The following SLC25A16 variants were observed in gnomAD, a reference collection of about 807,000 sequenced individuals.
SLC25A16 encodes mitochondrial coenzyme A transporter SLC25A16.
SLC25A16 carries 39 observed loss-of-function variants against 41.5 expected under a neutral mutation model. The observed-to-expected ratio is 0.94, with a 90% CI of 0.73 to 1.23. The LOEUF (loss-of-function observed/expected upper bound fraction) is 1.23, where lower values mean the gene tolerates loss of function less well. Among genes scored for constraint, SLC25A16 ranks in the 50% most tolerant of loss-of-function variants. The pLI, the probability that SLC25A16 is intolerant of heterozygous loss-of-function variation, is 0.00. For missense variants in SLC25A16, 421 were observed against 426.9 expected, an observed-to-expected ratio of 0.99 and a Z score of 0.12; for synonymous variants, 146 against 147.8, an observed-to-expected ratio of 0.99 and a Z score of 0.09.
intron 4 of SLC25A16, among the ~76,000 whole-genome samples, chr10:68,496,151 A>T (rs1049151904): frequency 2.6e-5 from 4 of 152,134 alleles, no homozygotes; most frequent in African/African-American, 9.7e-5. Flanking sequence ...TCTCCTGCAC[A>T]TCAAAGCTCA....
chr10:68,482,386 A>T lies in SLC25A16; in HGVS notation c.*1046T>A. On this transcript the variant is annotated 3_prime_UTR_variant, in exon 9 of 9. Transcript: ENST00000609923. Reference sequence around the variant, plus strand: ...AAAACATTTTCTTAATATAAAGGATAACAATTCAAATCATATTTTACATTT... The same window carrying T: ...AAAACATTTTCTTAATATAAAGGATTACAATTCAAATCATATTTTACATTT... 6.6e-6 allele frequency: 1 copy of T among 152,628 alleles called. No homozygotes were observed. Among genetic ancestry groups the T allele is most frequent in the East Asian group, 1.9e-4 (1 of 5,204 alleles). 9.5% of individuals were successfully genotyped at this position (152,628 alleles called of 1,614,324 possible). A position where few individuals can be genotyped will look rare whatever the true frequency, so the allele number is the denominator to read the frequency against.
chr10:68,505,244 G>A (rs917371144), intron 3 of SLC25A16, among the ~76,000 whole-genome samples: 7 of 152,116 alleles, frequency 4.6e-5, no homozygotes, highest in African/African-American at 1.4e-4. Context: ...AGTTACTCAG[G>A]AGGCTGAAGT....
At chr10:68,525,137 GTTTTA>G (rs763277057) in intron 1 of SLC25A16, among the ~76,000 whole-genome samples, 50 of 151,566 alleles carry the variant, frequency 3.3e-4, no homozygotes, top group African/African-American at 9.7e-4. Flanking sequence ...GGTTTTTTTT[GTTTTA>G]TTTTATTTTG....
rs1460084800 is a variant in SLC25A16, at chr10:68,527,247, T to C, written c.129A>G (p.Gly43=). The change falls in exon 1 of 9, where the codon GGA becomes GGG. Residue 43 remains glycine (G), a splice_region_variant and synonymous_variant. Transcript: ENST00000609923. The part of the protein sequence containing the change: ...DFYWLRSFLA[G]GIAGCCAKTT... ...TGGCTCTTCGTGGCATGGACCCACC[T>C]CCGGCCAGAAAGGAGCGCAGCCAGT... 1.3e-6 allele frequency: 2 copies of C among 1,547,626 alleles called. No individual in the cohort carries two copies. The highest frequency in any genetic ancestry group is 1.7e-6 in the Non-Finnish European group (2 of 1,145,596).
intron 3 of SLC25A16, 73 bp from the exon 4 acceptor site, chr10:68,503,768 AT>A: frequency 1.1e-6 from 1 of 924,150 alleles, no homozygotes; most frequent in Non-Finnish European, 1.7e-6. Context: ...AATAATGAAG[AT>A]TTATTTCAAG....
At chr10:68,499,489 T>C in intron 4 of SLC25A16, 1 of 166,558 alleles carries the variant, frequency 6.0e-6, no homozygotes. Context: ...TACAAACCCT[T>C]CTCTTCCCTT....
At chr10:68,489,020 A>C (rs1016209383) in intron 6 of SLC25A16, among the ~76,000 whole-genome samples, 2 of 152,212 alleles carry the variant, frequency 1.3e-5, no homozygotes, top group African/African-American at 4.8e-5. Flanking sequence ...CTGTAATCCC[A>C]ACAATTTGGG....
chr10:68,484,002 G>C lies in SLC25A16; in HGVS notation c.843-414C>G, dbSNP rs144469868. Among the ~76,000 whole-genome samples the C allele has an allele frequency of 4.3e-3, 654 of 152,222 alleles. 4 individuals are homozygous for C. Among genetic ancestry groups the C allele is most frequent in the African/African-American group, 0.015 (625 of 41,542 alleles). On this transcript the variant is annotated intron_variant, in intron 8 of 8. Coordinates refer to ENST00000609923, the MANE Select transcript of SLC25A16 (RefSeq NM_152707.4). ...TTTAAAGAAGGTTAAATGCCATCTT[G>C]AATAGCTTTAGAAAGACAAATGTTT...
chr10:68,521,619 A>G (rs1410037737), intron 1 of SLC25A16, among the ~76,000 whole-genome samples: 8 of 120,432 alleles, frequency 6.6e-5, no homozygotes, highest in South Asian at 5.7e-4. Flanking sequence ...TTTGAGACGG[A>G]GTCTCGCTCT....
intron 3 of SLC25A16, among the ~76,000 whole-genome samples, chr10:68,504,327 T>C (rs2052913172): frequency 2.0e-5 from 3 of 151,836 alleles, no homozygotes; most frequent in Admixed American, 2.0e-4. Context: ...TAATTTTTTA[T>C]TTTATTTTTT....
chr10:68,498,863 T>C (rs1046685291), intron 4 of SLC25A16, among the ~76,000 whole-genome samples: 4 of 152,194 alleles, frequency 2.6e-5, no homozygotes, highest in African/African-American at 9.7e-5. Flanking sequence ...TTTGCCATAG[T>C]GGTTGTTAAA....
intron 1 of SLC25A16, among the ~76,000 whole-genome samples, chr10:68,519,797 C>G (rs2053220392): frequency 6.6e-6 from 1 of 150,644 alleles, no homozygotes. Flanking sequence ...TGCTTATAAT[C>G]CCAGATACTT....
intron 4 of SLC25A16, chr10:68,503,371 G>C: frequency 3.2e-6 from 1 of 309,686 alleles, no homozygotes; most frequent in Non-Finnish European, 5.8e-6. Context: ...ACTGTAAAAT[G>C]ACTCTTTTTC....
chr10:68,527,446 A>G lies in SLC25A16; in HGVS notation c.-71T>C, dbSNP rs899070584. On this transcript the variant is annotated 5_prime_UTR_variant, in exon 1 of 9. Transcript: ENST00000609923. Reference sequence around the variant, plus strand: ...CACCGGACGGGACCATAGCCGGAACAGGCGGTGACAGGAGGCTGACCGCCC... The same window carrying G: ...CACCGGACGGGACCATAGCCGGAACGGGCGGTGACAGGAGGCTGACCGCCC... 3 of 1,374,252 alleles carry G rather than the reference A, an allele frequency of 2.2e-6. No individual in the cohort carries two copies. Among genetic ancestry groups the G allele is most frequent in the Non-Finnish European group, 2.8e-6 (3 of 1,063,930 alleles). 85.1% of individuals were successfully genotyped at this position (1,374,252 alleles called of 1,614,324 possible).
rs1431975191 is a variant in SLC25A16, at chr10:68,492,541, G to A, written c.610+591C>T. Reference sequence around the variant, plus strand: ...CCCAGCACTTTGGGAGGCCAAGGCGGGTAGATCACCTGAGGTCGGGAGTTT... The same window carrying A: ...CCCAGCACTTTGGGAGGCCAAGGCGAGTAGATCACCTGAGGTCGGGAGTTT... On this transcript the variant is annotated intron_variant, in intron 6 of 8. Transcript: ENST00000609923. 2.0e-5 allele frequency among the ~76,000 whole-genome samples: 3 copies of A among 152,118 alleles called. No individual in the cohort carries two copies. In the East Asian group the frequency reaches 5.8e-4, roughly 29 times the overall value.
Position 68,493,473 on chromosome 10 carries a change from A to G in SLC25A16, c.519T>C (p.His173=), listed in dbSNP as rs1289246315. 1 of 1,613,512 alleles carries G rather than the reference A, an allele frequency of 6.2e-7. No homozygotes were observed. The highest frequency in any genetic ancestry group is 1.3e-5 in the African/African-American group (1 of 75,064). ...KGEHSYTGII[H]AFKTIYAKEG... The stretch of plus-strand genomic sequence containing the variant: ...CCTTTGCATAAATTGTTTTGAAAGC[A>G]TGAATAATTCCTGTATAGCTGTGTT... The change falls in exon 5 of 9, where the codon CAT becomes CAC. Residue 173 remains histidine, a synonymous_variant. Transcript: ENST00000609923.
At chr10:68,501,770 G>C (rs1009685820) in intron 4 of SLC25A16, among the ~76,000 whole-genome samples, 13 of 151,656 alleles carry the variant, frequency 8.6e-5, no homozygotes, top group Admixed American at 3.3e-4. Context: ...AACTTTTTTT[G>C]GCAAAAAAGT....
At chr10:68,497,910 A>T (rs2052777378) in intron 4 of SLC25A16, among the ~76,000 whole-genome samples, 1 of 151,810 alleles carries the variant, frequency 6.6e-6, no homozygotes, top group Admixed American at 6.6e-5. Flanking sequence ...CTCTGCCTTT[A>T]TTTTTATTTT....
At position 68,525,673 on chromosome 10, in the gene SLC25A16, G is replaced by A. The variant is rs114378172; in HGVS notation, c.130+1573C>T. Among the ~76,000 whole-genome samples, 529 of 152,264 alleles carry A rather than the reference G, an allele frequency of 3.5e-3. 4 individuals carry two copies. The highest frequency in any genetic ancestry group is 0.012 in the African/African-American group (501 of 41,562). On this transcript the variant is annotated intron_variant, in intron 1 of 8. Coordinates refer to ENST00000609923, the MANE Select transcript of SLC25A16 (RefSeq NM_152707.4). Reference sequence around the variant, plus strand: ...TTAAATAATTAAGTAATGACAACCTGTGGGGAAAAGCAAGAGAGATCAGAT... The same window carrying A: ...TTAAATAATTAAGTAATGACAACCTATGGGGAAAAGCAAGAGAGATCAGAT...
Sources: allele counts gnomAD v4.1 joint callset (sites outside exome capture counted in the v4.1 genomes callset), GRCh38; gene constraint gnomAD v4.1.1; transcripts MANE v1.5; gene names NCBI Gene and HGNC (gene_info 2026-07-23, HGNC 2026-07-21).